The following PDE6D variants were observed in gnomAD, a reference collection of about 807,000 sequenced individuals.
PDE6D encodes the protein retinal rod rhodopsin-sensitive cGMP 3',5'-cyclic phosphodiesterase subunit delta.
PDE6D carries 10 observed loss-of-function variants against 21.9 expected under a neutral mutation model. The ratio of observed to expected loss-of-function variants is 0.46; its 90% CI spans 0.28 to 0.78. PDE6D has a LOEUF of 0.78. Among genes scored for constraint, PDE6D ranks in the 30% least tolerant of loss-of-function variants. PDE6D has a pLI of 0.12. For synonymous variants in PDE6D, 59 were observed against 63.5 expected, an observed-to-expected ratio of 0.93 and a Z score of 0.34; for missense variants, 139 against 184.8, an observed-to-expected ratio of 0.75 and a Z score of 1.44.
intron 1 of PDE6D, among the ~76,000 whole-genome samples, chr2:231,749,084 C>G (rs930342555): frequency 6.6e-6 from 1 of 152,198 alleles, no homozygotes; most frequent in South Asian, 2.1e-4. Context: ...GAGGTCCACT[C>G]TCCTCCAGAC....
At chr2:231,772,609 G>A (rs1396763095) in intron 1 of PDE6D, among the ~76,000 whole-genome samples, 1 of 152,204 alleles carries the variant, frequency 6.6e-6, no homozygotes, top group Non-Finnish European at 1.5e-5. Context: ...AGGTCTATAA[G>A]TCAAATCCTC....
chr2:231,758,603 G>A (rs762491172), intron 1 of PDE6D, among the ~76,000 whole-genome samples: 1 of 152,160 alleles, frequency 6.6e-6, no homozygotes, highest in Non-Finnish European at 1.5e-5. Flanking sequence ...CTCTGGAGGT[G>A]GAACCCAGGC....
intron 1 of PDE6D, among the ~76,000 whole-genome samples, chr2:231,750,317 C>T (rs934891591): frequency 7.2e-5 from 11 of 151,808 alleles, no homozygotes; most frequent in South Asian, 2.1e-4. Flanking sequence ...TACTATGTAC[C>T]GGTATTAATG....
intron 1 of PDE6D, among the ~76,000 whole-genome samples, chr2:231,776,854 T>C (rs1311254830): frequency 2.0e-5 from 3 of 152,228 alleles, no homozygotes; most frequent in African/African-American, 7.2e-5. Context: ...ATTCATAACA[T>C]TAATTTACAA....
chr2:231,750,481 CTT>C (rs34007857), intron 1 of PDE6D, among the ~76,000 whole-genome samples: 7 of 133,546 alleles, frequency 5.2e-5, no homozygotes, highest in Admixed American at 1.5e-4. Flanking sequence ...ATCCATATCA[CTT>C]TTTTTTTTTT....
intron 1 of PDE6D, among the ~76,000 whole-genome samples, chr2:231,761,216 C>G (rs1270498089): frequency 6.6e-6 from 1 of 152,042 alleles, no homozygotes; most frequent in African/African-American, 2.4e-5. Context: ...ACTCTGTCGC[C>G]CAGGTTGGAC....
chr2:231,763,990 T>G (rs757255922), intron 1 of PDE6D, among the ~76,000 whole-genome samples: 15 of 151,944 alleles, frequency 9.9e-5, no homozygotes, highest in Non-Finnish European at 1.9e-4. Flanking sequence ...AAAATATTGG[T>G]CTATGAAGGA....
intron 1 of PDE6D, among the ~76,000 whole-genome samples, chr2:231,775,733 G>C (rs2049051032): frequency 1.3e-5 from 2 of 151,932 alleles, no homozygotes; most frequent in Non-Finnish European, 2.9e-5. Flanking sequence ...TGAGTTAAAT[G>C]CTTATCCTAT....
chr2:231,745,149 T>A (rs554131022), intron 1 of PDE6D, among the ~76,000 whole-genome samples: 1 of 151,144 alleles, frequency 6.6e-6, no homozygotes, highest in Non-Finnish European at 1.5e-5. Context: ...TGTCTTAAAA[T>A]AATAACAATG....
At chr2:231,762,947 G>A (rs2693778) in intron 1 of PDE6D, among the ~76,000 whole-genome samples, 10,664 of 149,158 alleles carry the variant, frequency 0.071, 428 homozygotes, top group South Asian at 0.092. Flanking sequence ...AAAAAAAAAA[G>A]AAAAGAAAAG....
chr2:231,775,000 C>T lies in PDE6D; in HGVS notation c.50+6065G>A, dbSNP rs189763490. On this transcript the variant is annotated intron_variant, in intron 1 of 4. Coordinates refer to ENST00000287600, the MANE Select transcript of PDE6D (RefSeq NM_002601.4). ...TGATCTCAGCTCACTGCAACCTCTG[C>T]CTCCTGGGTTCAAGCAATTGTCCTG... 3.6e-3 allele frequency among the ~76,000 whole-genome samples: 549 copies of T among 152,032 alleles called. 2 individuals carry two copies. Among genetic ancestry groups the T allele is most frequent in the Middle Eastern group, 0.024 (7 of 292 alleles).
At chr2:231,741,072 C>T (rs72996820) in intron 1 of PDE6D, among the ~76,000 whole-genome samples, 1 of 135,792 alleles carries the variant, frequency 7.4e-6, no homozygotes, top group African/African-American at 2.8e-5. Flanking sequence ...CGGGAGATTG[C>T]GCCATTGCAC....
chr2:231,768,299 A>G (rs1186572850), intron 1 of PDE6D, among the ~76,000 whole-genome samples: 5 of 152,162 alleles, frequency 3.3e-5, no homozygotes, highest in Admixed American at 3.3e-4. Context: ...CTCACTCTTG[A>G]AACACTTTCC....
At chr2:231,738,366 T>C (rs556124453) in intron 2 of PDE6D, among the ~76,000 whole-genome samples, 1 of 152,174 alleles carries the variant, frequency 6.6e-6, no homozygotes, top group Non-Finnish European at 1.5e-5. Context: ...AGATATTAGA[T>C]CTTCAAGGAA....
chr2:231,750,347 A>T (rs917458527), intron 1 of PDE6D, among the ~76,000 whole-genome samples: 4 of 152,188 alleles, frequency 2.6e-5, no homozygotes, highest in Admixed American at 1.3e-4. Flanking sequence ...CATCTAAAAA[A>T]TTTGGGCAAT....
At chr2:231,737,972 C>A (rs74905712) in intron 3 of PDE6D, 41 bp downstream of exon 3, 3 of 1,578,184 alleles carry the variant, frequency 1.9e-6, no homozygotes, top group South Asian at 2.3e-5. Flanking sequence ...TTGTCCTGGT[C>A]GCCCTAAGCC....
chr2:231,757,583 C>T (rs894991059), intron 1 of PDE6D, among the ~76,000 whole-genome samples: 14 of 152,144 alleles, frequency 9.2e-5, no homozygotes, highest in Admixed American at 5.2e-4. Flanking sequence ...GGAGCCACTG[C>T]GCTCGGCTAA....
chr2:231,750,070 G>C (rs549765535), intron 1 of PDE6D, among the ~76,000 whole-genome samples: 13 of 152,042 alleles, frequency 8.6e-5, no homozygotes, highest in Non-Finnish European at 1.9e-4. Context: ...GAATCATGGG[G>C]GCTGGTCATT....
At chr2:231,752,632 G>C (rs2048848988) in intron 1 of PDE6D, among the ~76,000 whole-genome samples, 1 of 152,054 alleles carries the variant, frequency 6.6e-6, no homozygotes, top group Non-Finnish European at 1.5e-5. Flanking sequence ...TTTGACTTGA[G>C]TTTTATTCAC....
Sources: gnomAD v4.1 joint callset for allele counts (sites outside exome capture counted in the v4.1 genomes callset) on GRCh38, gnomAD v4.1.1 for gene constraint, MANE v1.5 for transcripts, NCBI Gene and HGNC (gene_info 2026-07-23, HGNC 2026-07-21) for gene names.